MAF: variants seen among roughly 807,000 people sequenced by gnomAD.
MAF encodes the protein transcription factor Maf.
A neutral mutation model predicts 22.0 loss-of-function variants in MAF; 10 were observed. The ratio of observed to expected loss-of-function variants is 0.45; its 90% CI spans 0.28 to 0.77. The LOEUF is 0.77. Ranked by LOEUF, MAF falls within the 30% of genes least tolerant of loss-of-function variation. MAF has a pLI of 0.12. For missense variants in MAF, 544 were observed against 548.4 expected, an observed-to-expected ratio of 0.99 and a Z score of 0.08; for synonymous variants, 337 against 255.8, an observed-to-expected ratio of 1.32 and a Z score of -3.03.
chr16:79,302,422 C>T, the MAF span, among the ~76,000 whole-genome samples: 117 of 152,336 alleles, frequency 7.7e-4, no homozygotes, highest in African/African-American at 2.7e-3. Context: ...TTTTCTGCCA[C>T]TGCACGTTAA....
the MAF span, among the ~76,000 whole-genome samples, chr16:79,485,251 T>A: frequency 1.3e-5 from 2 of 152,168 alleles, no homozygotes; most frequent in Non-Finnish European, 2.9e-5. Context: ...TTTTCTCACC[T>A]TTAAACAGAA....
At chr16:79,245,162 G>C in the MAF span, among the ~76,000 whole-genome samples, 2 of 151,960 alleles carry the variant, frequency 1.3e-5, no homozygotes, top group Admixed American at 6.6e-5. Flanking sequence ...CACGGGCGAA[G>C]ACTTCATGAT....
chr16:79,210,427 T>C, the MAF span, among the ~76,000 whole-genome samples: 4 of 152,136 alleles, frequency 2.6e-5, no homozygotes, highest in African/African-American at 9.7e-5. Flanking sequence ...GGTCACAATG[T>C]AAACCCTGCA....
chr16:79,302,151 C>T, the MAF span, among the ~76,000 whole-genome samples: 1 of 152,224 alleles, frequency 6.6e-6, no homozygotes, highest in South Asian at 2.1e-4. Flanking sequence ...GGCTGGGATC[C>T]AGCCTGGTAG....
At chr16:79,252,898 T>C in the MAF span, among the ~76,000 whole-genome samples, 1 of 152,186 alleles carries the variant, frequency 6.6e-6, no homozygotes, top group African/African-American at 2.4e-5. Flanking sequence ...AAAAGTAAAA[T>C]CTACAAGCAG....
At chr16:79,299,347 GAA>G in the MAF span, among the ~76,000 whole-genome samples, 41 of 86,852 alleles carry the variant, frequency 4.7e-4, no homozygotes, top group East Asian at 4.8e-3. Context: ...CAAAGAAAAA[GAA>G]AAAAAAAAAA....
chr16:79,317,202 T>C, the MAF span, among the ~76,000 whole-genome samples: 1 of 142,226 alleles, frequency 7.0e-6, no homozygotes, highest in South Asian at 2.6e-4. Flanking sequence ...CCTTCCTTCA[T>C]CTGTCCCTCT....
At chr16:79,429,510 A>C in the MAF span, among the ~76,000 whole-genome samples, 2 of 152,174 alleles carry the variant, frequency 1.3e-5, no homozygotes, top group Admixed American at 1.3e-4. Flanking sequence ...TTAGGACTGC[A>C]GTCATTTCCA....
At chr16:79,208,587 G>A in the MAF span, among the ~76,000 whole-genome samples, 99 of 152,006 alleles carry the variant, frequency 6.5e-4, no homozygotes, top group South Asian at 1.7e-3. Context: ...CCCAAAAGGT[G>A]GTATGAATGA....
chr16:79,212,217 A>C, the MAF span: 2 of 1,421,172 alleles, frequency 1.4e-6, no homozygotes, highest in Non-Finnish European at 1.8e-6. Context: ...AAGAAAAAGC[A>C]AGTGTTCACT....
At chr16:79,433,277 A>T in the MAF span, among the ~76,000 whole-genome samples, 13,797 of 118,726 alleles carry the variant, frequency 0.12, 1,438 homozygotes, top group African/African-American at 0.28. Flanking sequence ...TAAAAAAAAA[A>T]ATATATATAT....
At chr16:79,364,357 G>T in the MAF span, among the ~76,000 whole-genome samples, 1 of 152,168 alleles carries the variant, frequency 6.6e-6, no homozygotes. Flanking sequence ...AAAGGACATT[G>T]ACTGTGAGTT....
chr16:79,270,591 G>A, the MAF span, among the ~76,000 whole-genome samples: 1 of 152,170 alleles, frequency 6.6e-6, no homozygotes, highest in Non-Finnish European at 1.5e-5. Flanking sequence ...AGGTAGGGCT[G>A]GCTTGTTTCC....
chr16:79,360,960 T>C, the MAF span, among the ~76,000 whole-genome samples: 8 of 152,246 alleles, frequency 5.3e-5, no homozygotes, highest in South Asian at 1.7e-3. Context: ...GGTAGGAGCA[T>C]TTACACCACA....
At chr16:79,597,754 A>G in intron 1 of MAF, 1 of 959,268 alleles carries the variant, frequency 1.0e-6, no homozygotes. Context: ...GCCAAAAGGA[A>G]AAAAAAAGGA....
chr16:79,466,604 G>T, the MAF span, among the ~76,000 whole-genome samples: 1 of 152,192 alleles, frequency 6.6e-6, no homozygotes, highest in African/African-American at 2.4e-5. Flanking sequence ...TACACACCTG[G>T]TGGTCAGCAA....
chr16:79,281,058 G>C, the MAF span, among the ~76,000 whole-genome samples: 1 of 151,940 alleles, frequency 6.6e-6, no homozygotes, highest in Admixed American at 6.6e-5. Context: ...AGAGACAGAA[G>C]GAAAAAGAGC....
At chr16:79,398,277 A>G in the MAF span, among the ~76,000 whole-genome samples, 1 of 152,222 alleles carries the variant, frequency 6.6e-6, no homozygotes, top group East Asian at 1.9e-4. Context: ...AATCCAGGAT[A>G]ATCTCCCCAA....
At chr16:79,225,744 A>G in the MAF span, among the ~76,000 whole-genome samples, 1 of 152,258 alleles carries the variant, frequency 6.6e-6, no homozygotes, top group African/African-American at 2.4e-5. Context: ...TTCTCAAAAG[A>G]AGACATTTAT....
Sources: gnomAD v4.1 joint callset for allele counts (sites outside exome capture counted in the v4.1 genomes callset) on GRCh38, gnomAD v4.1.1 for gene constraint, MANE v1.5 for transcripts, NCBI Gene and HGNC (gene_info 2026-07-23, HGNC 2026-07-21) for gene names.